Variants in ENOX1 observed in about 807,000 individuals in gnomAD.
The protein encoded by ENOX1 is ecto-NOX disulfide-thiol exchanger 1.
In ENOX1, 42 loss-of-function variants were observed where a neutral mutation model predicts 82.5. That is an observed-to-expected ratio of 0.51 (90% CI 0.40 to 0.66). The LOEUF (loss-of-function observed/expected upper bound fraction) is 0.66, where lower values mean the gene tolerates loss of function less well. ENOX1 is among the 30% of genes least tolerant of loss of function. ENOX1 has a pLI of 0.00. For synonymous variants in ENOX1, 271 were observed against 282.2 expected (o/e 0.96, Z 0.40); for missense variants, 608 against 811.6 (o/e 0.75, Z 3.05).
At chr13:43,763,834 C>CA in intron 1 of ENOX1, among the ~76,000 whole-genome samples, 1 of 152,094 alleles carries the variant, frequency 6.6e-6, no homozygotes, top group East Asian at 1.9e-4. Flanking sequence ...GTAGAATAAG[C>CA]AAAAAACTTT....
chr13:43,214,061 A>G lies in ENOX1; in HGVS notation c.1861T>C (p.Phe621Leu). 1 of 1,613,728 alleles carries G rather than the reference A, an allele frequency of 6.2e-7. No homozygotes were observed. The change falls in exon 17 of 17, where the codon TTC becomes CTC. Residue 621 changes from phenylalanine to leucine, a missense_variant. Coordinates refer to ENST00000690772, the MANE Select transcript of ENOX1 (RefSeq NM_001347969.2). The part of the protein sequence containing the change: ...MRLPRMFKQE[F>L]TGVGATLEKR... Reference sequence around the variant, plus strand: ...TCCAGCGTGGCTCCCACACCCGTGAATTCCTGTTTGAACATGCGTGGCAGC... The same window carrying G: ...TCCAGCGTGGCTCCCACACCCGTGAGTTCCTGTTTGAACATGCGTGGCAGC...
At chr13:43,500,505 GA>G (rs1339988339) in intron 2 of ENOX1, among the ~76,000 whole-genome samples, 2 of 151,992 alleles carry the variant, frequency 1.3e-5, no homozygotes, top group Non-Finnish European at 2.9e-5. Context: ...AAAAATGCAT[GA>G]GAGACAAAGA....
At chr13:43,242,587 G>C (rs2042890582) in intron 14 of ENOX1, among the ~76,000 whole-genome samples, 1 of 152,156 alleles carries the variant, frequency 6.6e-6, no homozygotes, top group Non-Finnish European at 1.5e-5. Context: ...CTAAATACTT[G>C]GGTTTCAGCC....
intron 15 of ENOX1, among the ~76,000 whole-genome samples, chr13:43,235,060 A>C (rs2042465294): frequency 6.6e-6 from 1 of 152,198 alleles, no homozygotes; most frequent in Non-Finnish European, 1.5e-5. Context: ...CATTATAGGG[A>C]AAAATCACAC....
chr13:43,470,744 T>C (rs1405168044), intron 3 of ENOX1, among the ~76,000 whole-genome samples: 5 of 151,934 alleles, frequency 3.3e-5, no homozygotes, highest in East Asian at 1.9e-4. Flanking sequence ...GAAAATTATA[T>C]AAATGACCGG....
At chr13:43,450,293 T>C (rs2056890172) in intron 3 of ENOX1, among the ~76,000 whole-genome samples, 1 of 152,036 alleles carries the variant, frequency 6.6e-6, no homozygotes, top group South Asian at 2.1e-4. Context: ...CAAGGTGAAG[T>C]GGGGGGCAGC....
rs77922245 is a variant in ENOX1, at chr13:43,543,418, T to C, written c.-218-59266A>G. On this transcript the variant is annotated intron_variant, in intron 2 of 16. Transcript: ENST00000690772. The stretch of plus-strand genomic sequence containing the variant: ...TTCATGAAATATTTTGTTTCACATA[T>C]AGATGAGTGTTATTGTGTGGGTATA... Among the ~76,000 whole-genome samples, 441 of 152,222 alleles carry C rather than the reference T, an allele frequency of 2.9e-3. 12 individuals are homozygous for C. In the East Asian group the frequency reaches 0.078, roughly 27 times the overall value.
At position 43,355,995 on chromosome 13, in the gene ENOX1, C is replaced by A. The variant is rs751902289; in HGVS notation, c.747G>T (p.Arg249=). 6 of 1,613,856 alleles carry A rather than the reference C, an allele frequency of 3.7e-6. No individual in the cohort carries two copies. In the South Asian group the frequency reaches 6.6e-5, roughly 18 times the overall value. ...TGGCAGGCGGGGATGGGGGCCTGAG[C>A]CGGTCCTCCTCCAGCTTGCGCCGGT... ...ERHRRKLEED[R]LRPPSPPAIM... Residue 249 remains arginine (R), a synonymous_variant, in exon 8 of 17, where the codon CGG becomes CGT. Coordinates refer to ENST00000690772, the MANE Select transcript of ENOX1 (RefSeq NM_001347969.2).
At chr13:43,351,745 A>G (rs1175904193) in intron 8 of ENOX1, among the ~76,000 whole-genome samples, 2 of 151,222 alleles carry the variant, frequency 1.3e-5, no homozygotes. Context: ...GTCCCTACAA[A>G]GGACATGAAC....
intron 3 of ENOX1, among the ~76,000 whole-genome samples, chr13:43,427,935 A>T (rs1417970417): frequency 6.6e-6 from 1 of 152,224 alleles, no homozygotes; most frequent in Non-Finnish European, 1.5e-5. Context: ...GTTGGCTGAA[A>T]CCAGAAGGAT....
chr13:43,514,180 A>G (rs1485053511), intron 2 of ENOX1, among the ~76,000 whole-genome samples: 2 of 152,174 alleles, frequency 1.3e-5, no homozygotes, highest in African/African-American at 2.4e-5. Flanking sequence ...ATTAAAGTTG[A>G]GGTAGAATAA....
intron 2 of ENOX1, among the ~76,000 whole-genome samples, chr13:43,580,805 T>G (rs892716965): frequency 1.3e-5 from 2 of 152,214 alleles, no homozygotes; most frequent in South Asian, 4.1e-4. Flanking sequence ...TTGTACTGTA[T>G]GTACAGAAAT....
At chr13:43,348,661 C>G (rs1207531928) in intron 8 of ENOX1, among the ~76,000 whole-genome samples, 1 of 152,248 alleles carries the variant, frequency 6.6e-6, no homozygotes, top group Non-Finnish European at 1.5e-5. Flanking sequence ...TCCACGTTGT[C>G]TACACTACCT....
chr13:43,482,075 A>G (rs2058526850), intron 3 of ENOX1, among the ~76,000 whole-genome samples: 1 of 152,210 alleles, frequency 6.6e-6, no homozygotes, highest in African/African-American at 2.4e-5. Flanking sequence ...TCTGCTGTGC[A>G]GTATGAAGAT....
intron 1 of ENOX1, among the ~76,000 whole-genome samples, chr13:43,769,890 T>C (rs1232364232): frequency 2.0e-5 from 3 of 152,202 alleles, no homozygotes; most frequent in Non-Finnish European, 4.4e-5. Context: ...CAACAGGCAG[T>C]TGAGGGATAT....
intron 2 of ENOX1, among the ~76,000 whole-genome samples, chr13:43,491,431 A>C (rs1373060474): frequency 6.6e-6 from 1 of 152,228 alleles, no homozygotes; most frequent in Non-Finnish European, 1.5e-5. Context: ...AAAAGAGCCC[A>C]AAATGGGTCA....
chr13:43,464,927 T>C (rs534483178), intron 3 of ENOX1, among the ~76,000 whole-genome samples: 52 of 152,332 alleles, frequency 3.4e-4, no homozygotes, highest in African/African-American at 1.1e-3. Context: ...ACGGTCTTGA[T>C]GTGTATTAGC....
At chr13:43,346,477 T>C (rs1340328894) in intron 8 of ENOX1, among the ~76,000 whole-genome samples, 2 of 152,202 alleles carry the variant, frequency 1.3e-5, no homozygotes, top group Non-Finnish European at 2.9e-5. Flanking sequence ...CAAAACACCC[T>C]GTGAATGACA....
chr13:43,548,791 A>G (rs2079072125), intron 2 of ENOX1, among the ~76,000 whole-genome samples: 1 of 152,146 alleles, frequency 6.6e-6, no homozygotes, highest in Non-Finnish European at 1.5e-5. Flanking sequence ...AGGCTGACAG[A>G]TATCACTAAT....
Sources: allele counts gnomAD v4.1 joint callset (sites outside exome capture counted in the v4.1 genomes callset), GRCh38; gene constraint gnomAD v4.1.1; transcripts MANE v1.5; gene names NCBI Gene and HGNC (gene_info 2026-07-23, HGNC 2026-07-21).